TBC1D32: variants seen among roughly 807,000 people sequenced by gnomAD.
TBC1D32 encodes the protein TBC1 domain family member 32.
Under a neutral mutation model 170.3 loss-of-function variants are expected in TBC1D32, and 151 were observed. The observed-to-expected ratio is 0.89, with a 90% CI of 0.78 to 1.01. The LOEUF (loss-of-function observed/expected upper bound fraction) is 1.01. Among genes scored for constraint, TBC1D32 ranks in the 50% least tolerant of loss-of-function variants. The pLI, the probability that TBC1D32 is intolerant of heterozygous loss-of-function variation, is 0.00. For synonymous variants in TBC1D32, 498 were observed against 488.0 expected, an observed-to-expected ratio of 1.02 and a Z score of -0.27; for missense variants, 1,464 against 1,457.1, an observed-to-expected ratio of 1.00 and a Z score of -0.08.
intron 22 of TBC1D32, among the ~76,000 whole-genome samples, chr6:121,162,802 T>A (rs1463490243): frequency 1.8e-5 from 2 of 112,462 alleles, no homozygotes; most frequent in African/African-American, 5.7e-5. Context: ...TGCATTTCCA[T>A]CTGAGGTACC....
At chr6:121,217,397 G>C (rs889310115) in intron 21 of TBC1D32, among the ~76,000 whole-genome samples, 3 of 152,162 alleles carry the variant, frequency 2.0e-5, no homozygotes, top group Non-Finnish European at 4.4e-5. Flanking sequence ...GGTGAGACAT[G>C]GAATCAACCT....
At chr6:121,305,979 A>AACTATTTAT (rs1215033362) in intron 5 of TBC1D32, among the ~76,000 whole-genome samples, 1 of 152,164 alleles carries the variant, frequency 6.6e-6, no homozygotes, top group African/African-American at 2.4e-5. Flanking sequence ...GCTATTTTGT[A>AACTATTTAT]AAGTTATTTC....
At chr6:121,291,362 A>G (rs892851019) in intron 12 of TBC1D32, among the ~76,000 whole-genome samples, 1 of 152,170 alleles carries the variant, frequency 6.6e-6, no homozygotes, top group Non-Finnish European at 1.5e-5. Flanking sequence ...TTGTACACAC[A>G]CAGAGAGAAT....
At chr6:121,109,977 T>G (rs761119687) in intron 29 of TBC1D32, among the ~76,000 whole-genome samples, 24 of 152,062 alleles carry the variant, frequency 1.6e-4, no homozygotes, top group South Asian at 4.1e-4. Context: ...AAATATTAAT[T>G]TATGTGGCTC....
At chr6:121,273,113 G>T (rs532898922) in intron 15 of TBC1D32, among the ~76,000 whole-genome samples, 1 of 151,846 alleles carries the variant, frequency 6.6e-6, no homozygotes, top group African/African-American at 2.4e-5. Flanking sequence ...TTGTTGTGGG[G>T]TGGGGTGCTA....
intron 13 of TBC1D32, among the ~76,000 whole-genome samples, chr6:121,283,215 T>G (rs1803293138): frequency 6.6e-6 from 1 of 151,890 alleles, no homozygotes; most frequent in Non-Finnish European, 1.5e-5. Context: ...TTTAGAACAC[T>G]GTATGTCTAT....
chr6:121,293,130 A>G (rs1805114464), intron 11 of TBC1D32, among the ~76,000 whole-genome samples: 1 of 150,192 alleles, frequency 6.7e-6, no homozygotes. Flanking sequence ...TTTTAAAAAC[A>G]TGGCAAAAAA....
intron 5 of TBC1D32, among the ~76,000 whole-genome samples, chr6:121,306,691 T>A (rs1807371059): frequency 6.6e-6 from 1 of 152,198 alleles, no homozygotes; most frequent in South Asian, 2.1e-4. Flanking sequence ...CCATCATAGA[T>A]ACTACCTGTA....
intron 2 of TBC1D32, among the ~76,000 whole-genome samples, chr6:121,320,409 A>G (rs1809555266): frequency 6.6e-6 from 1 of 152,108 alleles, no homozygotes; most frequent in Non-Finnish European, 1.5e-5. Flanking sequence ...ATAAAAAGTA[A>G]TTTCCTAGCA....
chr6:121,176,610 A>G (rs990645856), intron 22 of TBC1D32, among the ~76,000 whole-genome samples: 10 of 150,468 alleles, frequency 6.6e-5, no homozygotes, highest in Non-Finnish European at 1.2e-4. Context: ...TTCTCCCCCC[A>G]CCCCCGAGAT....
At chr6:121,331,375 AT>A (rs5879594) in intron 1 of TBC1D32, among the ~76,000 whole-genome samples, 110,235 of 139,320 alleles carry the variant, frequency 0.79, 45,186 homozygotes, top group Non-Finnish European at 0.91. Flanking sequence ...TGCCCGGCTA[AT>A]TTTTTTTTTT....
chr6:121,206,905 C>T (rs1792349010), intron 21 of TBC1D32, among the ~76,000 whole-genome samples: 1 of 152,162 alleles, frequency 6.6e-6, no homozygotes, highest in Admixed American at 6.6e-5. Flanking sequence ...ACAACTCTTT[C>T]TATCTCCTTT....
At chr6:121,207,797 T>C (rs1391354441) in intron 21 of TBC1D32, among the ~76,000 whole-genome samples, 2 of 152,160 alleles carry the variant, frequency 1.3e-5, no homozygotes, top group Non-Finnish European at 2.9e-5. Context: ...CAAAAAGGAA[T>C]ATCAGTTCTA....
intron 22 of TBC1D32, among the ~76,000 whole-genome samples, chr6:121,191,214 G>A (rs1391026370): frequency 6.6e-6 from 1 of 152,042 alleles, no homozygotes; most frequent in Non-Finnish European, 1.5e-5. Context: ...ACACCCATGT[G>A]CACACATATG....
At chr6:121,307,505 G>T (rs1372305607) in intron 5 of TBC1D32, among the ~76,000 whole-genome samples, 3 of 152,108 alleles carry the variant, frequency 2.0e-5, no homozygotes. Flanking sequence ...ATTTTGTTAA[G>T]AAAAATTTTG....
chr6:121,235,498 C>T (rs1282890575), intron 20 of TBC1D32, among the ~76,000 whole-genome samples: 2 of 152,092 alleles, frequency 1.3e-5, no homozygotes, highest in Admixed American at 1.3e-4. Flanking sequence ...GGCTGCCTCT[C>T]CTGAGTCATA....
intron 20 of TBC1D32, among the ~76,000 whole-genome samples, chr6:121,229,457 T>C (rs2128338533): frequency 6.6e-6 from 1 of 152,272 alleles, no homozygotes; most frequent in African/African-American, 2.4e-5. Flanking sequence ...AGGGAGCAGT[T>C]CAGCCTGTTC....
intron 30 of TBC1D32, among the ~76,000 whole-genome samples, chr6:121,105,092 T>C (rs1778555021): frequency 6.6e-6 from 1 of 151,888 alleles, no homozygotes; most frequent in Non-Finnish European, 1.5e-5. Flanking sequence ...TTAAAATATC[T>C]ACAAATCAAT....
At chr6:121,304,704 TA>T (rs1306145275) in intron 6 of TBC1D32, 50 bp downstream of exon 6, 2 of 1,523,298 alleles carry the variant, frequency 1.3e-6, no homozygotes, top group African/African-American at 1.4e-5. Context: ...TATCCATTCT[TA>T]AGTACATGCA....
Sources: gnomAD v4.1 joint callset for allele counts (sites outside exome capture counted in the v4.1 genomes callset) on GRCh38, gnomAD v4.1.1 for gene constraint, MANE v1.5 for transcripts, NCBI Gene and HGNC (gene_info 2026-07-23, HGNC 2026-07-21) for gene names.